Variants in ZNF135 observed in about 807,000 individuals in gnomAD.
The protein encoded by ZNF135 is zinc finger protein 135.
In ZNF135, 11 loss-of-function variants were observed where a neutral mutation model predicts 12.3. That is an observed-to-expected ratio of 0.89 (90% CI 0.56 to 1.48). The LOEUF is 1.48. Among genes scored for constraint, ZNF135 ranks in the 40% most tolerant of loss-of-function variants. ZNF135 has a pLI of 0.00. For synonymous variants in ZNF135, 316 were observed against 312.0 expected (o/e 1.01, Z -0.14); for missense variants, 722 against 815.7 (o/e 0.89, Z 1.40).
chr19:58,061,686 T>TA lies in ZNF135; in HGVS notation c.140_141insA (p.Phe47LeufsTer32). On this transcript the variant is annotated frameshift_variant, in exon 3 of 5. Coordinates refer to ENST00000313434, the MANE Select transcript of ZNF135 (RefSeq NM_001289401.2). LOFTEE classifies it high-confidence loss of function. ...TACCGTGATGTAATGCTGGACACCTTCAGGCTTCTGGTCTCTGTGGGTAAG... is the reference window on the plus strand; with the variant it reads ...TACCGTGATGTAATGCTGGACACCTTACAGGCTTCTGGTCTCTGTGGGTAAG... 3.7e-6 allele frequency: 6 copies of TA among 1,613,082 alleles called. No homozygotes were observed. The highest frequency in any genetic ancestry group is 5.1e-6 in the Non-Finnish European group (6 of 1,179,558).
At position 58,060,730 on chromosome 19, in the gene ZNF135, G is replaced by T. The variant is rs1439059701; in HGVS notation, c.33+695G>T. The stretch of plus-strand genomic sequence containing the variant: ...TAGCTGTAATCCCAGCTATGGGGGA[G>T]GATTGCTTGAGCCCAGGAGTTGGAG... On this transcript the variant is annotated intron_variant, in intron 2 of 4. Transcript: ENST00000313434. This position sits in a 1 kb window ranked among gnomAD's most constrained non-coding sequence, Gnocchi z 4.9. 1.3e-5 allele frequency among the ~76,000 whole-genome samples: 2 copies of T among 152,224 alleles called. No individual in the cohort carries two copies. The highest frequency in any genetic ancestry group is 2.9e-5 in the Non-Finnish European group (2 of 68,046).
rs1334500919 is a variant in ZNF135, at chr19:58,060,270, C to G, written c.33+235C>G. 1 of 800,052 alleles carries G rather than the reference C, an allele frequency of 1.2e-6. No individual in the cohort carries two copies. The highest frequency in any genetic ancestry group is 3.3e-5 in the South Asian group (1 of 30,444). The allele number at this position is 800,052 out of a possible 1,614,324, so 49.6% of individuals were successfully genotyped here. A position where few individuals can be genotyped will look rare whatever the true frequency, so the allele number is the denominator to read the frequency against. On this transcript the variant is annotated intron_variant, in intron 2 of 4. Transcript: ENST00000313434. This position sits in a 1 kb window ranked among gnomAD's most constrained non-coding sequence, Gnocchi z 4.9. Reference sequence around the variant, plus strand: ...CTGGTGCCCGGCCTCTACTCGTGCCCGGCCTCTATTTGCACATCTAGCCTC... The same window carrying G: ...CTGGTGCCCGGCCTCTACTCGTGCCGGGCCTCTATTTGCACATCTAGCCTC...
chr19:58,062,342 A>C (rs1420271779), intron 3 of ZNF135, among the ~76,000 whole-genome samples: 1 of 151,708 alleles, frequency 6.6e-6, no homozygotes, highest in Non-Finnish European at 1.5e-5. Context: ...ATTACATTCT[A>C]ACATTTGAAC....
Position 58,060,217 on chromosome 19 carries a change from T to C in ZNF135, c.33+182T>C, listed in dbSNP as rs1393643364. 2.8e-6 allele frequency: 4 copies of C among 1,445,772 alleles called. No homozygotes were observed. The highest frequency in any genetic ancestry group is 3.7e-6 in the Non-Finnish European group (4 of 1,089,996). The allele number at this position is 1,445,772 out of a possible 1,614,324, so 89.6% of individuals were successfully genotyped here. On this transcript the variant is annotated intron_variant, in intron 2 of 4. Transcript: ENST00000313434. The surrounding 1 kb of genome is among the most constrained non-coding windows in gnomAD (Gnocchi z 4.9). ...CGTGCCCGGCCTCTACTCGCACAAC[T>C]GGCCTCTACTCGCGCACCTGGCCTC...
At chr19:58,066,653 G>C in intron 4 of ZNF135, 88 bp from the exon 5 acceptor site, 1 of 1,531,242 alleles carries the variant, frequency 6.5e-7, no homozygotes, top group Non-Finnish European at 8.8e-7. Context: ...AAAATAATTA[G>C]TTTTATCCTT....
Position 58,067,317 on chromosome 19 carries a change from C to A in ZNF135, c.833C>A (p.Thr278Asn). ...TATAAATGCACTCAGTGTGGGAGGACCTTCAACCAAATTGCCCCACTGATC... is the reference window on the plus strand; with the variant it reads ...TATAAATGCACTCAGTGTGGGAGGAACTTCAACCAAATTGCCCCACTGATC... Reference protein sequence around the residue: ...KPYKCTQCGRTFNQIAPLIQH... With the variant: ...KPYKCTQCGRNFNQIAPLIQH... The change falls in exon 5 of 5, where the codon ACC (threonine) becomes AAC (asparagine). Residue 278 changes from threonine to asparagine, a missense_variant. By Grantham distance (65) the Thr-to-Asn change is moderately conservative. Coordinates refer to ENST00000313434, the MANE Select transcript of ZNF135 (RefSeq NM_001289401.2). 1.2e-6 allele frequency: 2 copies of A among 1,614,150 alleles called. No individual in the cohort carries two copies. The highest frequency in any genetic ancestry group is 3.3e-5 in the Admixed American group (2 of 60,022).
In ZNF135 at chr19:58,059,455, G is replaced by C; in HGVS notation, c.-35+145G>C. On this transcript the variant is annotated intron_variant, in intron 1 of 4. Coordinates refer to ENST00000313434, the MANE Select transcript of ZNF135 (RefSeq NM_001289401.2). The surrounding 1 kb of genome is among the most constrained non-coding windows in gnomAD (Gnocchi z 6.5). ...TGTGTGGAGTCCGTTTTGCTGCCCG[G>C]GGCCTGGGGAAGGCCGTTTCGGGGC... is the stretch of plus-strand genomic sequence containing the variant. 1 of 925,134 alleles carries C rather than the reference G, an allele frequency of 1.1e-6. No homozygotes were observed. The highest frequency in any genetic ancestry group is 3.1e-5 in the East Asian group (1 of 32,172). 57.3% of individuals were successfully genotyped at this position (925,134 alleles called of 1,614,324 possible). A position where few individuals can be genotyped will look rare whatever the true frequency, so the allele number is the denominator to read the frequency against.
At position 58,063,535 on chromosome 19, in the gene ZNF135, T is replaced by C. The variant is rs2074017167; in HGVS notation, c.250T>C (p.Tyr84His). Residue 84 changes from tyrosine to histidine, a missense_variant, in exon 4 of 5, where the codon TAC becomes CAC. Transcript: ENST00000313434. The surrounding 1 kb of genome is among the most constrained non-coding windows in gnomAD (Gnocchi z 4.4). ...AVESRLPQGV[Y>H]PDLETRPKVK... Reference sequence around the variant, plus strand: ...GGAGTCTAGACTTCCCCAAGGCGTGTACCCAGGTGAGATGGGAGCCCTTCG... The same window carrying C: ...GGAGTCTAGACTTCCCCAAGGCGTGCACCCAGGTGAGATGGGAGCCCTTCG... 1.2e-6 allele frequency: 2 copies of C among 1,614,028 alleles called. No individual in the cohort carries two copies. The highest frequency in any genetic ancestry group is 2.7e-5 in the African/African-American group (2 of 74,940).
rs2074053404 is a variant in ZNF135 at position 58,065,614 on chromosome 19, C to T, written c.257-1127C>T. On this transcript the variant is annotated intron_variant, in intron 4 of 4. Transcript: ENST00000313434. This position sits in a 1 kb window ranked among gnomAD's most constrained non-coding sequence, Gnocchi z 4.0. The stretch of plus-strand genomic sequence containing the variant: ...AAGTCACATCATATTCACTCTGACT[C>T]TGACCCTTCTGCCTTTTTTCCCCAT... 6.6e-6 allele frequency among the ~76,000 whole-genome samples: 1 copy of T among 152,204 alleles called. No individual in the cohort carries two copies. The highest frequency in any genetic ancestry group is 1.5e-5 in the Non-Finnish European group (1 of 68,032).
chr19:58,059,276 G>A (rs1464010891), upstream of ZNF135: 2 of 1,579,774 alleles, frequency 1.3e-6, no homozygotes, highest in African/African-American at 1.4e-5. The surrounding 1 kb of genome is among the most constrained non-coding windows in gnomAD (Gnocchi z 6.5). Context: ...AGTGTCGGCT[G>A]CCGGTGCCGC....
At position 58,067,718 on chromosome 19, in the gene ZNF135, T is replaced by G; in HGVS notation, c.1234T>G (p.Cys412Gly). The change falls in exon 5 of 5, where the codon TGT becomes GGT. Residue 412 changes from cysteine (C) to glycine (G), a missense_variant. Coordinates refer to ENST00000313434, the MANE Select transcript of ZNF135 (RefSeq NM_001289401.2). ...RTHTGEKPYE[C>G]GECGKAFSQS... The stretch of plus-strand genomic sequence containing the variant: ...CCACACAGGAGAAAAGCCCTATGAG[T>G]GTGGTGAGTGTGGGAAAGCCTTCAG... The G allele has an allele frequency of 1.2e-6, 2 of 1,613,812 alleles. No individual in the cohort carries two copies. The highest frequency in any genetic ancestry group is 1.1e-5 in the South Asian group (1 of 91,074).
Position 58,060,250 on chromosome 19 carries a change from G to T in ZNF135, c.33+215G>T, listed in dbSNP as rs1599919424. On this transcript the variant is annotated intron_variant, in intron 2 of 4. Coordinates refer to ENST00000313434, the MANE Select transcript of ZNF135 (RefSeq NM_001289401.2). This position sits in a 1 kb window ranked among gnomAD's most constrained non-coding sequence, Gnocchi z 4.9. ...ACTCGCGCACCTGGCCTCTACTGGT[G>T]CCCGGCCTCTACTCGTGCCCGGCCT... is the stretch of plus-strand genomic sequence containing the variant. 6.1e-6 allele frequency: 2 copies of T among 330,274 alleles called. No individual in the cohort carries two copies. The highest frequency in any genetic ancestry group is 1.1e-3 in the Middle Eastern group (1 of 944). 20.5% of individuals were successfully genotyped at this position (330,274 alleles called of 1,614,324 possible).
chr19:58,059,660 G>A lies in ZNF135; in HGVS notation c.-34-309G>A. 1.9e-6 allele frequency: 1 copy of A among 514,426 alleles called. No homozygotes were observed. The highest frequency in any genetic ancestry group is 3.4e-6 in the Non-Finnish European group (1 of 293,604). 31.9% of individuals were successfully genotyped at this position (514,426 alleles called of 1,614,324 possible). A position where few individuals can be genotyped will look rare whatever the true frequency, so the allele number is the denominator to read the frequency against. On this transcript the variant is annotated intron_variant, in intron 1 of 4. Transcript: ENST00000313434. The surrounding 1 kb of genome is among the most constrained non-coding windows in gnomAD (Gnocchi z 6.5). ...TTGTTGATGGAAGAGAGAAACTGAG[G>A]CATAGTGCCCAGGGCCAGGGGACCG...
Position 58,060,235 on chromosome 19 carries a change from C to T in ZNF135, c.33+200C>T, listed in dbSNP as rs79849225. 451 of 1,431,600 alleles carry T rather than the reference C, an allele frequency of 3.2e-4. No homozygotes were observed. The African/African-American group carries it at 5.9e-3, about 19-fold the overall frequency. 88.7% of individuals were successfully genotyped at this position (1,431,600 alleles called of 1,614,324 possible). A position where few individuals can be genotyped will look rare whatever the true frequency, so the allele number is the denominator to read the frequency against. On this transcript the variant is annotated intron_variant, in intron 2 of 4. Transcript: ENST00000313434. This position sits in a 1 kb window ranked among gnomAD's most constrained non-coding sequence, Gnocchi z 4.9. ...GCACAACTGGCCTCTACTCGCGCAC[C>T]TGGCCTCTACTGGTGCCCGGCCTCT...
At chr19:58,062,612 C>T (rs1344342450) in intron 3 of ZNF135, among the ~76,000 whole-genome samples, 1 of 150,276 alleles carries the variant, frequency 6.7e-6, no homozygotes, top group Non-Finnish European at 1.5e-5. Flanking sequence ...AGGATGGTCT[C>T]GATCTCCTGA....
Position 58,068,241 on chromosome 19 carries a change from C to G in ZNF135, c.1757C>G (p.Ser586Cys), listed in dbSNP as rs373984435. 6 of 1,613,976 alleles carry G rather than the reference C, an allele frequency of 3.7e-6. No individual in the cohort carries two copies. The highest frequency in any genetic ancestry group is 5.1e-6 in the Non-Finnish European group (6 of 1,180,034). ...KPYGCNECGKSFSHSSSLSQH... is the reference protein window; with the variant it reads ...KPYGCNECGKCFSHSSSLSQH... ...TATGGGTGCAATGAGTGTGGGAAAT[C>G]CTTCAGCCACAGCTCCTCGCTCAGC... The change falls in exon 5 of 5, where the codon TCC (serine) becomes TGC (cysteine). Residue 586 changes from serine to cysteine, a missense_variant. Coordinates refer to ENST00000313434, the MANE Select transcript of ZNF135 (RefSeq NM_001289401.2).
intron 4 of ZNF135, among the ~76,000 whole-genome samples, chr19:58,064,514 C>A (rs1371486854): frequency 1.3e-5 from 2 of 152,188 alleles, no homozygotes; most frequent in East Asian, 3.9e-4. Context: ...ATTTTCTCTT[C>A]CTTATGATTT....
rs1260264735 is a variant in ZNF135 at position 58,068,252 on chromosome 19, A to G, written c.1768A>G (p.Ser590Gly). 1.2e-6 allele frequency: 2 copies of G among 1,614,172 alleles called. No individual in the cohort carries two copies. Among genetic ancestry groups the G allele is most frequent in the East Asian group, 4.5e-5 (2 of 44,858 alleles). The change falls in exon 5 of 5, where the codon AGC becomes GGC. Residue 590 changes from serine to glycine, a missense_variant. Physicochemically the swap from Ser to Gly is moderately conservative, Grantham distance 56. Coordinates refer to ENST00000313434, the MANE Select transcript of ZNF135 (RefSeq NM_001289401.2). The stretch of plus-strand genomic sequence containing the variant: ...TGAGTGTGGGAAATCCTTCAGCCAC[A>G]GCTCCTCGCTCAGCCAGCACGAAAG... ...CNECGKSFSH[S>G]SSLSQHERTH...
rs770525283 is a variant in ZNF135 at position 58,067,881 on chromosome 19, A to G, written c.1397A>G (p.Tyr466Cys). Residue 466 changes from tyrosine (Y) to cysteine (C), a missense_variant, in exon 5 of 5, where the codon TAT becomes TGT. By Grantham distance (194) the Tyr-to-Cys change is radical. Coordinates refer to ENST00000313434, the MANE Select transcript of ZNF135 (RefSeq NM_001289401.2). ...HERTHTGEKPYECSQCGKAFR... is the reference protein window; with the variant it reads ...HERTHTGEKPCECSQCGKAFR... ...CGGACACACACAGGAGAGAAGCCCT[A>G]TGAGTGCAGTCAGTGTGGGAAGGCC... The G allele has an allele frequency of 2.8e-5, 45 of 1,613,048 alleles. No individual in the cohort carries two copies. Among genetic ancestry groups the G allele is most frequent in the Admixed American group, 6.7e-5 (4 of 59,906 alleles).
Sources: allele counts gnomAD v4.1 joint callset (sites outside exome capture counted in the v4.1 genomes callset), GRCh38; gene constraint gnomAD v4.1.1; non-coding constraint Gnocchi (gnomAD v3.1); transcripts MANE v1.5; gene names NCBI Gene and HGNC (gene_info 2026-07-23, HGNC 2026-07-21).